MAST4: variants seen among roughly 807,000 people sequenced by gnomAD.
MAST4 encodes microtubule-associated serine/threonine-protein kinase 4.
A neutral mutation model predicts 162.7 loss-of-function variants in MAST4; 89 were observed. The observed-to-expected ratio is 0.55, with a 90% CI of 0.46 to 0.65. The LOEUF is 0.65. MAST4 is among the 30% of genes least tolerant of loss of function. MAST4 has a pLI of 0.00. For missense variants in MAST4, 3,153 were observed against 3,374.0 expected, an observed-to-expected ratio of 0.93 and a Z score of 1.62; for synonymous variants, 1,479 against 1,361.1, an observed-to-expected ratio of 1.09 and a Z score of -1.91.
At chr5:67,016,928 T>C (rs1267039941) in intron 4 of MAST4, among the ~76,000 whole-genome samples, 2 of 152,216 alleles carry the variant, frequency 1.3e-5, no homozygotes, top group African/African-American at 4.8e-5. Context: ...GGCAATACAA[T>C]GGGTATGCCA....
At chr5:66,764,207 G>A (rs957090407) in intron 2 of MAST4, among the ~76,000 whole-genome samples, 6 of 152,310 alleles carry the variant, frequency 3.9e-5, no homozygotes, top group Admixed American at 1.3e-4. Flanking sequence ...CTTGGTTCCA[G>A]GTTGCAGTTT....
At chr5:67,000,226 A>C (rs1359020088) in intron 4 of MAST4, among the ~76,000 whole-genome samples, 2 of 152,202 alleles carry the variant, frequency 1.3e-5, no homozygotes, top group Non-Finnish European at 2.9e-5. Context: ...TTTAGGGCAA[A>C]ATCCTTAGAA....
At chr5:66,881,480 T>G (rs746773926) in intron 3 of MAST4, among the ~76,000 whole-genome samples, 1 of 152,224 alleles carries the variant, frequency 6.6e-6, no homozygotes, top group Non-Finnish European at 1.5e-5. Context: ...TTTTCTCCTA[T>G]TTTGCAGCTG....
intron 4 of MAST4, among the ~76,000 whole-genome samples, chr5:66,965,224 G>T (rs868727143): frequency 0.051 from 3,460 of 67,562 alleles, no homozygotes; most frequent in East Asian, 0.072. Context: ...TTTTTTTTTT[G>T]CTTTTTTTTT....
chr5:67,078,924 A>ATTTT lies in MAST4; in HGVS notation c.764-11237_764-11236insTTTT, dbSNP rs1561622301. ...TATTTTTATATAAATATATATATAT[A>ATTTT]TATATATATATATATATATATATAT... On this transcript the variant is annotated intron_variant, in intron 5 of 28. Coordinates refer to ENST00000403625, the MANE Select transcript of MAST4 (RefSeq NM_001164664.2). Among the ~76,000 whole-genome samples the ATTTT allele has an allele frequency of 2.5e-3, 198 of 78,640 alleles. 5 individuals are homozygous for ATTTT. The highest frequency in any genetic ancestry group is 0.011 in the African/African-American group (187 of 16,734). 51.6% of individuals were successfully genotyped at this position (78,640 alleles called of 152,430 possible).
intron 4 of MAST4, among the ~76,000 whole-genome samples, chr5:67,024,483 A>G (rs115892685): frequency 0.022 from 3,322 of 151,748 alleles, 54 homozygotes; most frequent in African/African-American, 0.042. Context: ...ATATAGATAT[A>G]TACATATCTA....
At position 67,142,141 on chromosome 5, in the gene MAST4, C is replaced by T; in HGVS notation, c.2521C>T (p.Arg841Ter). ...TGGAYEVKQH[R>*]FFRSLDWNSL... Reference sequence around the variant, plus strand: ...TGGTGCATATGAAGTCAAACAGCATCGATTCTTCCGTTCTTTAGACTGGAA... The same window carrying T: ...TGGTGCATATGAAGTCAAACAGCATTGATTCTTCCGTTCTTTAGACTGGAA... The change falls in exon 20 of 29, where the codon CGA becomes TGA. Residue 841 changes from arginine to a stop codon, truncating the protein, a stop_gained. Coordinates refer to ENST00000403625, the MANE Select transcript of MAST4 (RefSeq NM_001164664.2). LOFTEE classifies it high-confidence loss of function. 2 of 1,613,866 alleles carry T rather than the reference C, an allele frequency of 1.2e-6. No individual in the cohort carries two copies. Among genetic ancestry groups the T allele is most frequent in the Non-Finnish European group, 1.7e-6 (2 of 1,179,804 alleles).
At chr5:66,995,913 A>ACACACACACACAC (rs1750583700) in intron 4 of MAST4, among the ~76,000 whole-genome samples, 1 of 151,620 alleles carries the variant, frequency 6.6e-6, no homozygotes, top group African/African-American at 2.4e-5. Context: ...ACACACACAC[A>ACACACACACACAC]AACTTGTAAA....
chr5:66,810,348 G>C (rs1254085637), intron 3 of MAST4, among the ~76,000 whole-genome samples: 1 of 152,122 alleles, frequency 6.6e-6, no homozygotes, highest in Admixed American at 6.5e-5. Context: ...CGTCCCACGC[G>C]GTCACTCAGG....
rs747061895 is a variant in MAST4, at chr5:67,158,726, G to A, written c.3649-1730G>A. Among the ~76,000 whole-genome samples, 46 of 152,148 alleles carry A rather than the reference G, an allele frequency of 3.0e-4. 1 individual carries two copies. The highest frequency in any genetic ancestry group is 9.8e-4 in the Admixed American group (15 of 15,276). ...TAAATAAGGGACAACATCAAACTGT[G>A]TAAGAATTTAAACACAGAAAATAAT... On this transcript the variant is annotated intron_variant, in intron 26 of 28. Transcript: ENST00000403625.
intron 5 of MAST4, among the ~76,000 whole-genome samples, chr5:67,068,621 G>T (rs916734694): frequency 2.0e-5 from 3 of 152,184 alleles, no homozygotes; most frequent in African/African-American, 7.2e-5. Context: ...ATCTGTCAAA[G>T]AACTTGGGTC....
rs74290420 is a variant in MAST4 at position 67,000,472 on chromosome 5, C to T, written c.675-53932C>T. 4.2e-4 allele frequency among the ~76,000 whole-genome samples: 64 copies of T among 152,222 alleles called. 1 individual carries two copies. In the East Asian group the frequency reaches 7.7e-3, roughly 18 times the overall value. ...CCCCTTCTTAAAGGGCATGTGTTGCCGGCTGTGGTGGCTCACGCCTGTAAG... is the reference window on the plus strand; with the variant it reads ...CCCCTTCTTAAAGGGCATGTGTTGCTGGCTGTGGTGGCTCACGCCTGTAAG... On this transcript the variant is annotated intron_variant, in intron 4 of 28. Coordinates refer to ENST00000403625, the MANE Select transcript of MAST4 (RefSeq NM_001164664.2).
rs191049587 is a variant in MAST4, at chr5:66,890,428, A to G, written c.643-9523A>G. Among the ~76,000 whole-genome samples the G allele has an allele frequency of 2.6e-5, 4 of 152,302 alleles. No homozygotes were observed. In the East Asian group the frequency reaches 7.7e-4, roughly 29 times the overall value. On this transcript the variant is annotated intron_variant, in intron 3 of 28. Transcript: ENST00000403625. ...TCAAGGGTATAATGTGTTAGGAAGC[A>G]TCAAAACCCATAATAATTGACTAGA...
intron 1 of MAST4, among the ~76,000 whole-genome samples, chr5:66,751,223 C>G (rs1753143219): frequency 6.6e-6 from 1 of 152,144 alleles, no homozygotes; most frequent in Admixed American, 6.5e-5. Flanking sequence ...ACTGGAAACT[C>G]TAAAAAGCAG....
intron 1 of MAST4, among the ~76,000 whole-genome samples, chr5:66,599,482 T>C (rs1742417710): frequency 6.6e-6 from 1 of 152,222 alleles, no homozygotes; most frequent in Non-Finnish European, 1.5e-5. Context: ...TTAATGGGAA[T>C]AATAGCATTA....
chr5:66,687,307 C>T (rs1051861276), intron 1 of MAST4, among the ~76,000 whole-genome samples: 1 of 152,064 alleles, frequency 6.6e-6, no homozygotes, highest in South Asian at 2.1e-4. Context: ...GTTTAGCTCC[C>T]ACTTACAAAT....
rs779731646 is a variant in MAST4, at chr5:66,596,736, G to T, written c.81G>T (p.Ala27=). The change falls in exon 1 of 29, where the codon GCG becomes GCT. Residue 27 remains alanine (A), a synonymous_variant. Transcript: ENST00000403625. ...ACGGCAGCCGGACTCCAGCCTCTGCGCTGGTCGCCGCGTCCTCTCCGGGTG... is the reference window on the plus strand; with the variant it reads ...ACGGCAGCCGGACTCCAGCCTCTGCTCTGGTCGCCGCGTCCTCTCCGGGTG... The part of the protein sequence containing the change: ...SGHGSRTPAS[A]LVAASSPGAS... 2 of 1,413,680 alleles carry T rather than the reference G, an allele frequency of 1.4e-6. No homozygotes were observed. The highest frequency in any genetic ancestry group is 1.8e-6 in the Non-Finnish European group (2 of 1,083,478). 87.6% of individuals were successfully genotyped at this position (1,413,680 alleles called of 1,614,324 possible). A position where few individuals can be genotyped will look rare whatever the true frequency, so the allele number is the denominator to read the frequency against.
At chr5:67,156,027 C>A (rs952850548) in intron 26 of MAST4, among the ~76,000 whole-genome samples, 2 of 150,642 alleles carry the variant, frequency 1.3e-5, no homozygotes, top group Admixed American at 6.6e-5. Flanking sequence ...CCACTGCACT[C>A]CAGCCTGGGC....
intron 4 of MAST4, among the ~76,000 whole-genome samples, chr5:67,007,985 T>C (rs1386960871): frequency 6.6e-6 from 1 of 152,234 alleles, no homozygotes; most frequent in Non-Finnish European, 1.5e-5. Context: ...CAGTATATTA[T>C]GCCCTTCATT....
Sources: gnomAD v4.1 joint callset for allele counts (sites outside exome capture counted in the v4.1 genomes callset) on GRCh38, gnomAD v4.1.1 for gene constraint, MANE v1.5 for transcripts, NCBI Gene and HGNC (gene_info 2026-07-23, HGNC 2026-07-21) for gene names.